Variants in ZC3H3 observed in about 807,000 individuals in gnomAD.
The protein encoded by ZC3H3 is zinc finger CCCH domain-containing protein 3.
ZC3H3 carries 36 observed loss-of-function variants against 77.3 expected under a neutral mutation model. The ratio of observed to expected loss-of-function variants is 0.47; its 90% CI spans 0.36 to 0.61. The LOEUF is 0.61. Ranked by LOEUF, ZC3H3 falls within the 20% of genes least tolerant of loss-of-function variation. The pLI is 0.00. For missense variants in ZC3H3, 1,331 were observed against 1,312.2 expected (o/e 1.01, Z -0.22); for synonymous variants, 626 against 555.2 (o/e 1.13, Z -1.79).
intron 4 of ZC3H3, among the ~76,000 whole-genome samples, chr8:143,505,918 C>T (rs1275291942): frequency 1.3e-5 from 2 of 152,250 alleles, no homozygotes; most frequent in Admixed American, 6.5e-5. Flanking sequence ...CAGAGAGTCA[C>T]GGCCGCTCCC....
chr8:143,439,722 C>A (rs1442083276), intron 11 of ZC3H3, among the ~76,000 whole-genome samples: 1 of 152,230 alleles, frequency 6.6e-6, no homozygotes, highest in Non-Finnish European at 1.5e-5. Flanking sequence ...GCACCCCTGG[C>A]GCCCGTGGGA....
intron 9 of ZC3H3, among the ~76,000 whole-genome samples, chr8:143,445,700 TAA>T (rs377247894): frequency 1.4e-4 from 20 of 142,468 alleles, no homozygotes; most frequent in Admixed American, 2.8e-4. Flanking sequence ...CTCTGTCTCT[TAA>T]AAAAAAAAAA....
At chr8:143,441,394 T>C (rs1166132855) in intron 9 of ZC3H3, among the ~76,000 whole-genome samples, 2 of 152,048 alleles carry the variant, frequency 1.3e-5, no homozygotes, top group Admixed American at 6.5e-5. Context: ...GCGTGGGGAC[T>C]CCCAGAGCCT....
chr8:143,527,378 T>C (rs1822448902), intron 3 of ZC3H3, among the ~76,000 whole-genome samples: 1 of 152,170 alleles, frequency 6.6e-6, no homozygotes. Context: ...CCCAGGGTCC[T>C]ACGGTGGTAT....
chr8:143,500,333 G>A (rs1821487105), intron 4 of ZC3H3, among the ~76,000 whole-genome samples: 1 of 152,222 alleles, frequency 6.6e-6, no homozygotes, highest in South Asian at 2.1e-4. Flanking sequence ...TCCAGTGCCG[G>A]GCACTCAACA....
At chr8:143,481,938 C>T (rs1358114090) in intron 4 of ZC3H3, among the ~76,000 whole-genome samples, 1 of 152,274 alleles carries the variant, frequency 6.6e-6, no homozygotes, top group African/African-American at 2.4e-5. Context: ...CAGGCCGGCA[C>T]TGAGCCAGCT....
intron 4 of ZC3H3, among the ~76,000 whole-genome samples, chr8:143,481,632 G>A (rs568402304): frequency 1.3e-5 from 2 of 152,380 alleles, no homozygotes; most frequent in East Asian, 1.9e-4. Flanking sequence ...GACCCTGGGA[G>A]GGAAACTGAA....
intron 11 of ZC3H3, among the ~76,000 whole-genome samples, chr8:143,439,433 C>T (rs1328346889): frequency 6.6e-5 from 10 of 152,296 alleles, no homozygotes; most frequent in Middle Eastern, 3.4e-3. Context: ...GTCACTCAAA[C>T]GCGCGGAGAG....
rs1821305105 is a variant in ZC3H3, at chr8:143,494,914, A to G, written c.1715+12832T>C. 6.6e-6 allele frequency among the ~76,000 whole-genome samples: 1 copy of G among 152,234 alleles called. No homozygotes were observed. Among genetic ancestry groups the G allele is most frequent in the African/African-American group, 2.4e-5 (1 of 41,460 alleles). On this transcript the variant is annotated intron_variant, in intron 4 of 11. Transcript: ENST00000262577. This position sits in a 1 kb window ranked among gnomAD's most constrained non-coding sequence, Gnocchi z 5.3. ...GAGCAGGTACTCAACATCACTGGAC[A>G]CCAGGGAAACGCAAATGAAAACCAC...
At chr8:143,467,330 C>T (rs892542088) in intron 8 of ZC3H3, among the ~76,000 whole-genome samples, 3 of 152,204 alleles carry the variant, frequency 2.0e-5, no homozygotes, top group Non-Finnish European at 4.4e-5. Flanking sequence ...ACACAAATAA[C>T]AATAACATTA....
chr8:143,504,295 C>A (rs1821622089), intron 4 of ZC3H3, among the ~76,000 whole-genome samples: 1 of 152,154 alleles, frequency 6.6e-6, no homozygotes, highest in Non-Finnish European at 1.5e-5. Flanking sequence ...GCAGTCCCCG[C>A]CATGAGCATC....
chr8:143,513,346 C>T (rs1821931318), intron 3 of ZC3H3, among the ~76,000 whole-genome samples: 1 of 152,148 alleles, frequency 6.6e-6, no homozygotes, highest in Admixed American at 6.5e-5. Context: ...ACGAGGCAGG[C>T]AAGTTCCAGA....
chr8:143,481,896 T>G (rs1276737578), intron 4 of ZC3H3, among the ~76,000 whole-genome samples: 3 of 152,210 alleles, frequency 2.0e-5, no homozygotes, highest in Admixed American at 2.0e-4. Flanking sequence ...CCCGAGGCAA[T>G]GCCCAGGCCC....
At chr8:143,510,476 T>C (rs539180117) in intron 3 of ZC3H3, among the ~76,000 whole-genome samples, 3 of 152,328 alleles carry the variant, frequency 2.0e-5, no homozygotes, top group South Asian at 2.1e-4. Context: ...AGATGGGTAG[T>C]AGCAGATGAA....
chr8:143,513,888 G>C (rs141324317), intron 3 of ZC3H3, among the ~76,000 whole-genome samples: 1 of 152,192 alleles, frequency 6.6e-6, no homozygotes, highest in East Asian at 1.9e-4. Context: ...GGGTGGCCCA[G>C]CCAAGGTGAA....
Position 143,462,513 on chromosome 8 carries a change from A to G in ZC3H3, c.2307+3204T>C, listed in dbSNP as rs1333736035. Among the ~76,000 whole-genome samples the G allele has an allele frequency of 6.6e-6, 1 of 152,234 alleles. No individual in the cohort carries two copies. The highest frequency in any genetic ancestry group is 1.9e-4 in the East Asian group (1 of 5,196). ...AACAAAACCAAGACAGGCGCTGTCCAGAGGACACAGGAGCCCTTGCAAGCC... is the reference window on the plus strand; with the variant it reads ...AACAAAACCAAGACAGGCGCTGTCCGGAGGACACAGGAGCCCTTGCAAGCC... On this transcript the variant is annotated intron_variant, in intron 9 of 11. Coordinates refer to ENST00000262577, the MANE Select transcript of ZC3H3 (RefSeq NM_015117.3). This position sits in a 1 kb window ranked among gnomAD's most constrained non-coding sequence, Gnocchi z 4.7.
At chr8:143,531,857 C>T (rs886576079) in intron 3 of ZC3H3, among the ~76,000 whole-genome samples, 8 of 152,228 alleles carry the variant, frequency 5.3e-5, no homozygotes, top group Admixed American at 1.3e-4. Flanking sequence ...ACCTCTTTCG[C>T]ACGGGTAAAT....
At chr8:143,495,759 T>C (rs927951746) in intron 4 of ZC3H3, among the ~76,000 whole-genome samples, 2 of 114,812 alleles carry the variant, frequency 1.7e-5, no homozygotes, top group Non-Finnish European at 3.6e-5. Context: ...TTTTCTTTTC[T>C]TTCTTTTTTT....
At chr8:143,507,945 C>T in intron 3 of ZC3H3, 46 bp from the exon 4 acceptor site, 1 of 1,518,204 alleles carries the variant, frequency 6.6e-7, no homozygotes. Context: ...GGAAGGCCGG[C>T]AAGGGTAGGG....
Sources: gnomAD v4.1 joint callset for allele counts (sites outside exome capture counted in the v4.1 genomes callset) on GRCh38, gnomAD v4.1.1 for gene constraint, Gnocchi (gnomAD v3.1) non-coding constraint, MANE v1.5 for transcripts, NCBI Gene and HGNC (gene_info 2026-07-23, HGNC 2026-07-21) for gene names.